The following PLA2G15 variants were observed in gnomAD, a reference collection of about 807,000 sequenced individuals.
PLA2G15 encodes phospholipase A2 group XV.
In PLA2G15, 20 loss-of-function variants were observed where a neutral mutation model predicts 40.9. The observed-to-expected ratio is 0.49, with a 90% confidence interval of 0.34 to 0.71. The LOEUF is 0.71. Among genes scored for constraint, PLA2G15 ranks in the 30% least tolerant of loss-of-function variants. The pLI is 0.01. For missense variants in PLA2G15, 471 were observed against 541.9 expected, an observed-to-expected ratio of 0.87 and a Z score of 1.30; for synonymous variants, 223 against 228.2, an observed-to-expected ratio of 0.98 and a Z score of 0.21.
rs753391174 is a variant in PLA2G15, at chr16:68,249,462, C to CA, written c.284+17dup. The CA allele has an allele frequency of 6.2e-7, 1 of 1,612,678 alleles. No individual in the cohort carries two copies. Among genetic ancestry groups the CA allele is most frequent in the African/African-American group, 1.3e-5 (1 of 74,902 alleles). On this transcript the variant is annotated intron_variant, in intron 2 of 5. Transcript: ENST00000219345. ...ACAATATCAGGTGGGGGCTGGGGCACACAGAGGGGGGTGCTGCTCACCAAC... is the reference window on the plus strand; with the variant it reads ...ACAATATCAGGTGGGGGCTGGGGCACAACAGAGGGGGGTGCTGCTCACCAAC...
rs770552396 is a variant in PLA2G15 at position 68,255,376 on chromosome 16, C to T, written c.498C>T (p.Ala166=). ...VRGAPYDWRR[A]PNENGPYFLA... ...GGGCTCCCTATGACTGGCGCCGAGC[C>T]CCAAGTAAGCAGGCACTCTCATTCC... Residue 166 remains alanine, a synonymous_variant, in exon 4 of 6, where the codon GCC becomes GCT. Coordinates refer to ENST00000219345, the MANE Select transcript of PLA2G15 (RefSeq NM_012320.4). The surrounding 1 kb of genome is among the most constrained non-coding windows in gnomAD (Gnocchi z 5.9). 2 of 1,607,332 alleles carry T rather than the reference C, an allele frequency of 1.2e-6. No homozygotes were observed. The highest frequency in any genetic ancestry group is 2.2e-5 in the South Asian group (2 of 90,496).
In PLA2G15 at chr16:68,256,050, C is replaced by G. The variant is rs2042399405; in HGVS notation, c.727+60C>G. ...TGCCAGGAATTCTGCCCTCTCTTCC[C>G]TTCCTAAGTGTCCTCCTGGGCCAGC... On this transcript the variant is annotated intron_variant, in intron 5 of 5. Coordinates refer to ENST00000219345, the MANE Select transcript of PLA2G15 (RefSeq NM_012320.4). 2.7e-6 allele frequency: 3 copies of G among 1,127,930 alleles called. No homozygotes were observed. The Admixed American group carries it at 6.4e-5, about 24-fold the overall frequency. 69.9% of individuals were successfully genotyped at this position (1,127,930 alleles called of 1,614,324 possible).
chr16:68,253,357 T>G (rs955504288), intron 2 of PLA2G15: 2 of 414,600 alleles, frequency 4.8e-6, no homozygotes, highest in African/African-American at 4.1e-5. Flanking sequence ...CATGGTGCCT[T>G]TCTAGGGTTT....
rs2290699 is a variant in PLA2G15 at position 68,255,156 on chromosome 16, C to T, written c.403+119C>T. ...CAGCCTGTGAGCTGTCTCTGATCAG[C>T]GTGGGCACAGAGCCCTGTAGCATTC... is the stretch of plus-strand genomic sequence containing the variant. On this transcript the variant is annotated intron_variant, in intron 3 of 5. Coordinates refer to ENST00000219345, the MANE Select transcript of PLA2G15 (RefSeq NM_012320.4). The surrounding 1 kb of genome is among the most constrained non-coding windows in gnomAD (Gnocchi z 5.9). 170,270 of 967,898 alleles carry T rather than the reference C, an allele frequency of 0.18. 15,934 individuals carry two copies. The highest frequency in any genetic ancestry group is 0.25 in the Middle Eastern group (1,181 of 4,720). 60.0% of individuals were successfully genotyped at this position (967,898 alleles called of 1,614,324 possible).
At chr16:68,251,669 A>C (rs2042355538) in intron 2 of PLA2G15, among the ~76,000 whole-genome samples, 2 of 151,854 alleles carry the variant, frequency 1.3e-5, no homozygotes, top group South Asian at 2.1e-4. Context: ...GTGACAGTAC[A>C]AGACTCCATC....
intron 1 of PLA2G15, among the ~76,000 whole-genome samples, chr16:68,248,951 C>G (rs1438931826): frequency 6.6e-6 from 1 of 152,196 alleles, no homozygotes; most frequent in Non-Finnish European, 1.5e-5. Context: ...GGAGGATGTT[C>G]CAGTGAAAAT....
chr16:68,249,185 C>G, intron 1 of PLA2G15, 105 bp from the exon 2 acceptor site: 1 of 849,356 alleles, frequency 1.2e-6, no homozygotes, highest in Non-Finnish European at 1.9e-6. Flanking sequence ...ACAGGTCTGC[C>G]ATATTATCTG....
chr16:68,258,642 G>A (rs2042419330), intron 5 of PLA2G15, among the ~76,000 whole-genome samples: 1 of 152,158 alleles, frequency 6.6e-6, no homozygotes, highest in Admixed American at 6.5e-5. Context: ...TTTAGCCCAG[G>A]CGTGGTGGGA....
Position 68,259,967 on chromosome 16 carries a change from G to A in PLA2G15, c.*310G>A, listed in dbSNP as rs1052667863. ...GGCCCTGGTCCCAGTCCCTGCCTGGGGCCATGTGTCCCCCCTATTCCTGTG... is the reference window on the plus strand; with the variant it reads ...GGCCCTGGTCCCAGTCCCTGCCTGGAGCCATGTGTCCCCCCTATTCCTGTG... On this transcript the variant is annotated 3_prime_UTR_variant, in exon 6 of 6. Coordinates refer to ENST00000219345, the MANE Select transcript of PLA2G15 (RefSeq NM_012320.4). The surrounding 1 kb of genome is among the most constrained non-coding windows in gnomAD (Gnocchi z 6.5). The A allele has an allele frequency of 2.3e-6, 1 of 425,564 alleles. No homozygotes were observed. Among genetic ancestry groups the A allele is most frequent in the Non-Finnish European group, 4.3e-6 (1 of 233,078 alleles). 26.4% of individuals were successfully genotyped at this position (425,564 alleles called of 1,614,324 possible).
Position 68,259,489 on chromosome 16 carries a change from T to C in PLA2G15, c.1071T>C (p.Gly357=). Residue 357 remains glycine (G), a synonymous_variant, in exon 6 of 6, where the codon GGT becomes GGC. Coordinates refer to ENST00000219345, the MANE Select transcript of PLA2G15 (RefSeq NM_012320.4). The surrounding 1 kb of genome is among the most constrained non-coding windows in gnomAD (Gnocchi z 6.5). ...ACCGTGACCCTAAAATCTGCTTTGGTGACGGCGATGGTACTGTGAACTTGA... is the reference window on the plus strand; with the variant it reads ...ACCGTGACCCTAAAATCTGCTTTGGCGACGGCGATGGTACTGTGAACTTGA... ...FPDRDPKICF[G]DGDGTVNLKS... 1 of 1,613,266 alleles carries C rather than the reference T, an allele frequency of 6.2e-7. No individual in the cohort carries two copies. The highest frequency in any genetic ancestry group is 1.1e-5 in the South Asian group (1 of 91,084).
chr16:68,247,019 G>T (rs758457742), intron 1 of PLA2G15, among the ~76,000 whole-genome samples: 2 of 152,090 alleles, frequency 1.3e-5, no homozygotes, highest in Non-Finnish European at 2.9e-5. Flanking sequence ...GATGCTAACC[G>T]CACTCATCAA....
chr16:68,246,607 A>G (rs970039176), intron 1 of PLA2G15, among the ~76,000 whole-genome samples: 1 of 152,192 alleles, frequency 6.6e-6, no homozygotes, highest in Non-Finnish European at 1.5e-5. Context: ...CAGGTTCACC[A>G]TGGGATTTGG....
intron 5 of PLA2G15, among the ~76,000 whole-genome samples, chr16:68,256,715 G>A (rs2042404930): frequency 6.6e-6 from 1 of 151,806 alleles, no homozygotes; most frequent in Non-Finnish European, 1.5e-5. Context: ...TCATCATGTT[G>A]GCCAGGCTGG....
At position 68,255,194 on chromosome 16, in the gene PLA2G15, G is replaced by A; in HGVS notation, c.404-88G>A. 2 of 1,076,548 alleles carry A rather than the reference G, an allele frequency of 1.9e-6. No homozygotes were observed. The highest frequency in any genetic ancestry group is 1.3e-5 in the South Asian group (1 of 78,642). The allele number at this position is 1,076,548 out of a possible 1,614,324, so 66.7% of individuals were successfully genotyped here. A position where few individuals can be genotyped will look rare whatever the true frequency, so the allele number is the denominator to read the frequency against. ...CCCTGTAGCATTCTTCCAAGGACCT[G>A]CTAGCTGTCACAGTCTCCATGCTGG... is the stretch of plus-strand genomic sequence containing the variant. On this transcript the variant is annotated intron_variant, in intron 3 of 5. Coordinates refer to ENST00000219345, the MANE Select transcript of PLA2G15 (RefSeq NM_012320.4). This position sits in a 1 kb window ranked among gnomAD's most constrained non-coding sequence, Gnocchi z 5.9.
intron 1 of PLA2G15, chr16:68,248,516 G>A: frequency 6.1e-6 from 1 of 163,196 alleles, no homozygotes; most frequent in South Asian, 1.1e-4. Flanking sequence ...CTCCTGAGTA[G>A]CTGGGATTAC....
rs144382142 is a variant in PLA2G15 at position 68,255,832 on chromosome 16, G to T, written c.569G>T (p.Gly190Val). The T allele has an allele frequency of 4.5e-5, 72 of 1,614,054 alleles. No homozygotes were observed. The highest frequency in any genetic ancestry group is 5.9e-5 in the Non-Finnish European group (70 of 1,180,012). ...GAGGAGATGTACCAGCTGTATGGGG[G>T]CCCCGTGGTGCTGGTTGCCCACAGT... ...MIEEMYQLYG[G>V]PVVLVAHSMG... Residue 190 changes from glycine to valine, a missense_variant, in exon 5 of 6, where the codon GGC becomes GTC. Coordinates refer to ENST00000219345, the MANE Select transcript of PLA2G15 (RefSeq NM_012320.4). The surrounding 1 kb of genome is among the most constrained non-coding windows in gnomAD (Gnocchi z 5.9).
In PLA2G15 at chr16:68,255,837, G is replaced by A. The variant is rs754506715; in HGVS notation, c.574G>A (p.Val192Met). ...EEMYQLYGGP[V>M]VLVAHSMGNM... is the part of the protein sequence containing the mutation. ...GATGTACCAGCTGTATGGGGGCCCC[G>A]TGGTGCTGGTTGCCCACAGTATGGG... Residue 192 changes from valine (V) to methionine (M), a missense_variant, in exon 5 of 6, where the codon GTG (valine) becomes ATG (methionine). Coordinates refer to ENST00000219345, the MANE Select transcript of PLA2G15 (RefSeq NM_012320.4). This position sits in a 1 kb window ranked among gnomAD's most constrained non-coding sequence, Gnocchi z 5.9. 1.5e-5 allele frequency: 25 copies of A among 1,614,078 alleles called. No homozygotes were observed. The highest frequency in any genetic ancestry group is 2.2e-5 in the East Asian group (1 of 44,896).
intron 1 of PLA2G15, among the ~76,000 whole-genome samples, chr16:68,248,012 G>T (rs1344850522): frequency 6.6e-6 from 1 of 152,156 alleles, no homozygotes; most frequent in Non-Finnish European, 1.5e-5. Flanking sequence ...GGGATGGAGA[G>T]AAGTCACCCT....
intron 2 of PLA2G15, 53 bp from the exon 3 acceptor site, chr16:68,254,866 C>T (rs2042387543): frequency 2.7e-6 from 3 of 1,127,540 alleles, no homozygotes. Context: ...TGTTGGGACA[C>T]ACCAAGCTCA....
Sources: allele counts gnomAD v4.1 joint callset (sites outside exome capture counted in the v4.1 genomes callset), GRCh38; gene constraint gnomAD v4.1.1; non-coding constraint Gnocchi (gnomAD v3.1); transcripts MANE v1.5; gene names NCBI Gene and HGNC (gene_info 2026-07-23, HGNC 2026-07-21).